FARSB: variants seen among roughly 807,000 people sequenced by gnomAD.
FARSB encodes phenylalanine--tRNA ligase beta subunit.
FARSB carries 40 observed loss-of-function variants against 69.6 expected under a neutral mutation model. That is an observed-to-expected ratio of 0.57 (90% CI 0.45 to 0.75). FARSB has a LOEUF of 0.75. Among genes scored for constraint, FARSB ranks in the 30% least tolerant of loss-of-function variants. The pLI is 0.00. For missense variants in FARSB, 632 were observed against 722.9 expected (o/e 0.87, Z 1.44); for synonymous variants, 235 against 247.2 (o/e 0.95, Z 0.46).
chr2:222,649,796 T>G (rs1574957368), intron 1 of FARSB, among the ~76,000 whole-genome samples: 2 of 152,370 alleles, frequency 1.3e-5, no homozygotes, highest in East Asian at 3.9e-4. Flanking sequence ...TATATCCTAC[T>G]GTTTAGCTTT....
At chr2:222,587,250 A>T (rs943229345) in intron 16 of FARSB, among the ~76,000 whole-genome samples, 1 of 152,210 alleles carries the variant, frequency 6.6e-6, no homozygotes, top group Non-Finnish European at 1.5e-5. Flanking sequence ...CGTGCTCCTG[A>T]ATGACTACTG....
rs182198698 is a variant in FARSB, at chr2:222,653,691, C to T, written c.58+2325G>A. 1.5e-3 allele frequency among the ~76,000 whole-genome samples: 222 copies of T among 150,236 alleles called. 1 individual carries two copies. The highest frequency in any genetic ancestry group is 0.013 in the Admixed American group (190 of 15,066). ...TGTGGCCAGGGCTGGAGTGCAGTGGCTTGATCACCGCTCACTACAGCCTTG... is the reference window on the plus strand; with the variant it reads ...TGTGGCCAGGGCTGGAGTGCAGTGGTTTGATCACCGCTCACTACAGCCTTG... On this transcript the variant is annotated intron_variant, in intron 1 of 16. Transcript: ENST00000281828.
At chr2:222,583,780 T>C (rs35864994) in intron 16 of FARSB, among the ~76,000 whole-genome samples, 47,268 of 151,992 alleles carry the variant, frequency 0.31, 7,546 homozygotes, top group Middle Eastern at 0.45. Context: ...CATGCTGTTC[T>C]TGTGATATTA....
Position 222,570,863 on chromosome 2 carries a change from T to G in FARSB, c.*1008A>C, listed in dbSNP as rs1303031905. 1 of 152,168 alleles carries G rather than the reference T, an allele frequency of 6.6e-6. No individual in the cohort carries two copies. Among genetic ancestry groups the G allele is most frequent in the Non-Finnish European group, 1.5e-5 (1 of 68,042 alleles). The allele number at this position is 152,168 out of a possible 1,614,324, so 9.4% of individuals were successfully genotyped here. On this transcript the variant is annotated 3_prime_UTR_variant, in exon 17 of 17. Coordinates refer to ENST00000281828, the MANE Select transcript of FARSB (RefSeq NM_005687.5). ...TCTACTGGGACTTTAAAGTATTATA[T>G]TTTATCATATTTCTTATTACTTCAA...
chr2:222,598,757 C>T (rs1371591397), intron 16 of FARSB, among the ~76,000 whole-genome samples: 3 of 152,038 alleles, frequency 2.0e-5, no homozygotes, highest in African/African-American at 7.2e-5. Context: ...GACCCGGCTC[C>T]GGCTTCTTTA....
At chr2:222,629,837 C>T (rs1335132962) in intron 9 of FARSB, among the ~76,000 whole-genome samples, 3 of 152,152 alleles carry the variant, frequency 2.0e-5, no homozygotes, top group African/African-American at 7.2e-5. Flanking sequence ...ACCTCCCAGA[C>T]TCAAGCAATC....
intron 16 of FARSB, among the ~76,000 whole-genome samples, chr2:222,573,800 T>C (rs1031527559): frequency 2.0e-5 from 3 of 152,202 alleles, no homozygotes; most frequent in African/African-American, 4.8e-5. Flanking sequence ...CAGCTTGCTG[T>C]GGTTTTTATG....
intron 10 of FARSB, 125 bp downstream of exon 10, chr2:222,628,712 T>C: frequency 1.6e-6 from 1 of 630,464 alleles, no homozygotes; most frequent in East Asian, 2.7e-5. Context: ...GTAATGCACA[T>C]AGTGTAGCGC....
At position 222,568,764 on chromosome 2, in the gene FARSB, CAGG is replaced by C. The variant is rs1412703502; in HGVS notation, c.*3104_*3106del. The C allele has an allele frequency of 6.6e-6, 1 of 152,232 alleles. No individual in the cohort carries two copies. Among genetic ancestry groups the C allele is most frequent in the African/African-American group, 2.4e-5 (1 of 41,424 alleles). The allele number at this position is 152,232 out of a possible 1,614,324, so 9.4% of individuals were successfully genotyped here. On this transcript the variant is annotated 3_prime_UTR_variant, in exon 17 of 17. Transcript: ENST00000281828. The surrounding 1 kb of genome is among the most constrained non-coding windows in gnomAD (Gnocchi z 4.3). ...CTGAGGCAGGAGAATTGCTTGAACCCAGGAGGTGGAGGTTGCAGTGAGCCAAGA... is the reference window on the plus strand; with the variant it reads ...CTGAGGCAGGAGAATTGCTTGAACCCAGGTGGAGGTTGCAGTGAGCCAAGA...
At chr2:222,611,887 C>G (rs1559202241) in intron 15 of FARSB, among the ~76,000 whole-genome samples, 1 of 152,194 alleles carries the variant, frequency 6.6e-6, no homozygotes, top group Non-Finnish European at 1.5e-5. Flanking sequence ...CCCCACAGAA[C>G]CGTGCATGGC....
chr2:222,628,767 C>T (rs1285930098), intron 10 of FARSB, 70 bp downstream of exon 10: 3 of 1,058,398 alleles, frequency 2.8e-6, no homozygotes, highest in South Asian at 2.7e-5. Flanking sequence ...ACAGACAGAA[C>T]ATGAGTGCTC....
rs367723379 is a variant in FARSB at position 222,584,788 on chromosome 2, G to A, written c.1619-12766C>T. Among the ~76,000 whole-genome samples, 658 of 152,324 alleles carry A rather than the reference G, an allele frequency of 4.3e-3. 8 individuals are homozygous for A. Among genetic ancestry groups the A allele is most frequent in the African/African-American group, 0.015 (624 of 41,576 alleles). Reference sequence around the variant, plus strand: ...CGAACTGCAAGGCTGCAGCAAGGCTGGGGGAGGGGCATCCGCCACTGCTGA... The same window carrying A: ...CGAACTGCAAGGCTGCAGCAAGGCTAGGGGAGGGGCATCCGCCACTGCTGA... On this transcript the variant is annotated intron_variant, in intron 16 of 16. Transcript: ENST00000281828.
At chr2:222,574,584 G>A (rs1285956131) in intron 16 of FARSB, among the ~76,000 whole-genome samples, 1 of 152,092 alleles carries the variant, frequency 6.6e-6, no homozygotes, top group Non-Finnish European at 1.5e-5. Context: ...ACGTAAAAAG[G>A]AAGCATGCTG....
At chr2:222,588,207 T>A (rs1157160567) in intron 16 of FARSB, among the ~76,000 whole-genome samples, 3 of 152,126 alleles carry the variant, frequency 2.0e-5, no homozygotes, top group African/African-American at 7.2e-5. Flanking sequence ...TGGTTCAACA[T>A]ATGCAAATCA....
At chr2:222,578,538 G>A (rs1395152241) in intron 16 of FARSB, among the ~76,000 whole-genome samples, 1 of 152,152 alleles carries the variant, frequency 6.6e-6, no homozygotes, top group African/African-American at 2.4e-5. Flanking sequence ...TGACAAGTAG[G>A]GCATGTAAAA....
chr2:222,619,759 G>A, intron 13 of FARSB, 22 bp from the exon 14 acceptor site: 1 of 1,303,528 alleles, frequency 7.7e-7, no homozygotes, highest in Admixed American at 1.7e-5. Flanking sequence ...ACACAAAACA[G>A]ATTAATATGG....
At position 222,600,058 on chromosome 2, in the gene FARSB, A is replaced by T; in HGVS notation, c.1488T>A (p.His496Gln). The T allele has an allele frequency of 6.2e-7, 1 of 1,608,966 alleles. No individual in the cohort carries two copies. Residue 496 changes from histidine (H) to glutamine (Q), a missense_variant, in exon 16 of 17, where the codon CAT becomes CAA. By Grantham distance (24) the His-to-Gln change is conservative (BLOSUM62 0). Coordinates refer to ENST00000281828, the MANE Select transcript of FARSB (RefSeq NM_005687.5). ...NTDVGAKNYR[H>Q]LCAVYYNKNP... ...TCTTGTTGTAATAAACAGCACAGAG[A>T]TGTCTGTAGTTTTTTGCACCTACAT... is the stretch of plus-strand genomic sequence containing the variant.
chr2:222,579,694 T>C (rs1036084660), intron 16 of FARSB, among the ~76,000 whole-genome samples: 4 of 152,056 alleles, frequency 2.6e-5, no homozygotes, highest in South Asian at 4.1e-4. Context: ...TCACTTAATA[T>C]ATGAAAAAAA....
At chr2:222,601,494 T>G (rs1487843030) in intron 15 of FARSB, among the ~76,000 whole-genome samples, 1 of 151,824 alleles carries the variant, frequency 6.6e-6, no homozygotes, top group South Asian at 2.1e-4. Context: ...AAAAACCCCA[T>G]GAACAGAGAA....
Sources: allele counts gnomAD v4.1 joint callset (sites outside exome capture counted in the v4.1 genomes callset), GRCh38; gene constraint gnomAD v4.1.1; non-coding constraint Gnocchi (gnomAD v3.1); transcripts MANE v1.5; gene names NCBI Gene and HGNC (gene_info 2026-07-23, HGNC 2026-07-21).